Variants in ACAP2 observed in about 807,000 individuals in gnomAD.
ACAP2 encodes arf-GAP with coiled-coil, ANK repeat and PH domain-containing protein 2.
In ACAP2, 39 loss-of-function variants were observed where a neutral mutation model predicts 115.8. That is an observed-to-expected ratio of 0.34 (90% confidence interval 0.26 to 0.44). The LOEUF (loss-of-function observed/expected upper bound fraction) is 0.44, where lower values mean the gene tolerates loss of function less well. Among genes scored for constraint, ACAP2 ranks in the 20% least tolerant of loss-of-function variants. ACAP2 has a pLI of 1.00. For synonymous variants in ACAP2, 289 were observed against 315.8 expected, an observed-to-expected ratio of 0.92 and a Z score of 0.90; for missense variants, 662 against 927.6, an observed-to-expected ratio of 0.71 and a Z score of 3.72.
rs146971100 is a variant in ACAP2, at chr3:195,285,564, T to C, written c.2236+232A>G. ...CAGAGTGAAATAGAGCAAGTCAATG[T>C]GTACTGTCATAGGAAGAGTTACGAA... is the stretch of plus-strand genomic sequence containing the variant. On this transcript the variant is annotated intron_variant, in intron 22 of 22. Coordinates refer to ENST00000326793, the MANE Select transcript of ACAP2 (RefSeq NM_012287.6). 954 of 430,294 alleles carry C rather than the reference T, an allele frequency of 2.2e-3. 2 individuals carry two copies. Among genetic ancestry groups the C allele is most frequent in the Non-Finnish European group, 3.0e-3 (731 of 244,442 alleles). The allele number at this position is 430,294 out of a possible 1,614,324, so 26.7% of individuals were successfully genotyped here. A position where few individuals can be genotyped will look rare whatever the true frequency, so the allele number is the denominator to read the frequency against.
intron 10 of ACAP2, among the ~76,000 whole-genome samples, chr3:195,313,966 A>T (rs553048997): frequency 2.6e-4 from 39 of 152,294 alleles, no homozygotes; most frequent in Non-Finnish European, 4.9e-4. Context: ...TATTTTATAG[A>T]TTTATAAAAT....
chr3:195,346,824 A>G (rs1213222825), intron 4 of ACAP2, among the ~76,000 whole-genome samples: 1 of 152,220 alleles, frequency 6.6e-6, no homozygotes, highest in Non-Finnish European at 1.5e-5. Context: ...AAACAGCAAT[A>G]AAAAAGAATG....
chr3:195,382,995 G>A (rs1734051360), intron 2 of ACAP2, among the ~76,000 whole-genome samples: 1 of 152,032 alleles, frequency 6.6e-6, no homozygotes, highest in South Asian at 2.1e-4. Context: ...TTATCAATGT[G>A]CATCCAAGAG....
chr3:195,380,472 G>C (rs936934992), intron 4 of ACAP2, among the ~76,000 whole-genome samples: 1 of 151,994 alleles, frequency 6.6e-6, no homozygotes, highest in African/African-American at 2.4e-5. Context: ...GTAAACTTTT[G>C]CAAACTTTGT....
At chr3:195,379,965 A>AT (rs1000877267) in intron 4 of ACAP2, among the ~76,000 whole-genome samples, 1 of 152,248 alleles carries the variant, frequency 6.6e-6, no homozygotes, top group East Asian at 1.9e-4. Flanking sequence ...GATGGTTATA[A>AT]TTTTTTTTAA....
At chr3:195,313,651 A>T (rs1428095195) in intron 10 of ACAP2, among the ~76,000 whole-genome samples, 1 of 152,214 alleles carries the variant, frequency 6.6e-6, no homozygotes, top group Non-Finnish European at 1.5e-5. Flanking sequence ...AGCATACAGA[A>T]CATTTTGCTT....
At chr3:195,351,478 G>C (rs1287953150) in intron 4 of ACAP2, among the ~76,000 whole-genome samples, 1 of 146,384 alleles carries the variant, frequency 6.8e-6, no homozygotes, top group East Asian at 2.1e-4. Context: ...GTGTGTGTGT[G>C]TGTGTGTGAC....
intron 20 of ACAP2, among the ~76,000 whole-genome samples, chr3:195,289,643 A>T (rs1280526994): frequency 7.0e-6 from 1 of 142,210 alleles, no homozygotes; most frequent in Non-Finnish European, 1.5e-5. Flanking sequence ...TACTAAAATT[A>T]AAAAAAAAAA....
At chr3:195,350,425 T>A (rs1181457510) in intron 4 of ACAP2, among the ~76,000 whole-genome samples, 1 of 151,876 alleles carries the variant, frequency 6.6e-6, no homozygotes, top group East Asian at 1.9e-4. Flanking sequence ...TTTGAGAGGA[T>A]CACTTGAGCC....
At chr3:195,361,666 AAAAT>A (rs1026551736) in intron 4 of ACAP2, among the ~76,000 whole-genome samples, 10 of 152,194 alleles carry the variant, frequency 6.6e-5, no homozygotes, top group Non-Finnish European at 1.3e-4. Context: ...TTAGCAGAAG[AAAAT>A]AAATAAAGAC....
chr3:195,300,022 T>A (rs112603017), intron 15 of ACAP2, among the ~76,000 whole-genome samples: 2 of 147,472 alleles, frequency 1.4e-5, no homozygotes, highest in African/African-American at 5.1e-5. Flanking sequence ...CTACTTTCCG[T>A]CTTTCTTTTT....
intron 9 of ACAP2, among the ~76,000 whole-genome samples, chr3:195,322,423 G>C (rs1729508972): frequency 1.3e-5 from 2 of 152,012 alleles, no homozygotes. Context: ...AAATTTAAAA[G>C]TGTACTAAGT....
intron 16 of ACAP2, among the ~76,000 whole-genome samples, chr3:195,296,867 C>T (rs1239718543): frequency 6.6e-6 from 1 of 152,128 alleles, no homozygotes; most frequent in Non-Finnish European, 1.5e-5. Flanking sequence ...TCCTTAGAGA[C>T]AGTAATGAAT....
At chr3:195,338,879 C>T (rs1471509909) in intron 6 of ACAP2, among the ~76,000 whole-genome samples, 1 of 150,748 alleles carries the variant, frequency 6.6e-6, no homozygotes, top group Non-Finnish European at 1.5e-5. Flanking sequence ...AATTTTAAAG[C>T]ACTAAATTAA....
chr3:195,338,255 T>C (rs550134470), intron 6 of ACAP2, among the ~76,000 whole-genome samples: 61 of 152,332 alleles, frequency 4.0e-4, no homozygotes, highest in African/African-American at 1.4e-3. Flanking sequence ...TGGCACACAC[T>C]AAGCACTCAA....
intron 1 of ACAP2, among the ~76,000 whole-genome samples, chr3:195,401,808 C>T (rs1560332031): frequency 6.6e-6 from 1 of 152,152 alleles, no homozygotes; most frequent in Non-Finnish European, 1.5e-5. Context: ...TATTAGATGA[C>T]AGTAAAGCAG....
intron 2 of ACAP2, among the ~76,000 whole-genome samples, chr3:195,387,866 A>G (rs1714377527): frequency 6.6e-6 from 1 of 152,240 alleles, no homozygotes; most frequent in Non-Finnish European, 1.5e-5. Flanking sequence ...TGTGCTAAGT[A>G]CTTTACATGT....
rs749352761 is a variant in ACAP2 at position 195,377,138 on chromosome 3, CTTTTT to C, written c.285+3866_285+3870del. 1.7e-4 allele frequency among the ~76,000 whole-genome samples: 13 copies of C among 77,110 alleles called. 1 individual carries two copies. The East Asian group carries it at 4.4e-3, about 26-fold the overall frequency. 50.6% of individuals were successfully genotyped at this position (77,110 alleles called of 152,430 possible). A position where few individuals can be genotyped will look rare whatever the true frequency, so the allele number is the denominator to read the frequency against. ...CATTTTACAGAGGAGGAATGTAAAT[CTTTTT>C]TTTTTTTTTTTTTTTTTTGGAAACA... On this transcript the variant is annotated intron_variant, in intron 4 of 22. Transcript: ENST00000326793.
At chr3:195,385,025 T>C (rs751287764) in intron 2 of ACAP2, among the ~76,000 whole-genome samples, 2 of 152,124 alleles carry the variant, frequency 1.3e-5, no homozygotes, top group African/African-American at 4.8e-5. Flanking sequence ...TGAGTGAACT[T>C]AACCTCAACA....
Sources: gnomAD v4.1 joint callset for allele counts (sites outside exome capture counted in the v4.1 genomes callset) on GRCh38, gnomAD v4.1.1 for gene constraint, MANE v1.5 for transcripts, NCBI Gene and HGNC (gene_info 2026-07-23, HGNC 2026-07-21) for gene names.